ADGRB3: variants seen among roughly 807,000 people sequenced by gnomAD.
ADGRB3 encodes the protein brain-specific angiogenesis inhibitor 3.
ADGRB3 carries 37 observed loss-of-function variants against 193.4 expected under a neutral mutation model. The observed-to-expected ratio is 0.19, with a 90% CI of 0.15 to 0.25. The LOEUF (loss-of-function observed/expected upper bound fraction) is 0.25, where lower values mean the gene tolerates loss of function less well. ADGRB3 is among the 10% of genes least tolerant of loss of function. The probability of loss-of-function intolerance (pLI) is 1.00; values close to 1 mark genes in which losing one functional copy is unlikely to be tolerated. For missense variants in ADGRB3, 1,637 were observed against 1,852.9 expected, an observed-to-expected ratio of 0.88 and a Z score of 2.14; for synonymous variants, 690 against 644.2, an observed-to-expected ratio of 1.07 and a Z score of -1.08.
At chr6:69,220,813 A>G (rs971886155) in intron 17 of ADGRB3, among the ~76,000 whole-genome samples, 2 of 152,106 alleles carry the variant, frequency 1.3e-5, no homozygotes, top group African/African-American at 4.8e-5. Flanking sequence ...TAGAGTATAT[A>G]TTTATTTAAA....
intron 17 of ADGRB3, among the ~76,000 whole-genome samples, chr6:69,095,184 C>G (rs1772837405): frequency 6.6e-6 from 1 of 152,136 alleles, no homozygotes; most frequent in Non-Finnish European, 1.5e-5. Flanking sequence ...GCAGGTTATT[C>G]TAACATTTAA....
At chr6:69,056,616 C>T (rs1267577685) in intron 15 of ADGRB3, among the ~76,000 whole-genome samples, 3 of 152,240 alleles carry the variant, frequency 2.0e-5, no homozygotes, top group Admixed American at 6.5e-5. Flanking sequence ...CTTATGTTTA[C>T]ATCTTAATCC....
chr6:69,290,724 G>T (rs1582608519), intron 20 of ADGRB3, among the ~76,000 whole-genome samples: 2 of 152,028 alleles, frequency 1.3e-5, no homozygotes, highest in South Asian at 4.1e-4. Flanking sequence ...TTTTACCCTA[G>T]CTAATAAGTT....
intron 5 of ADGRB3, among the ~76,000 whole-genome samples, chr6:68,937,569 A>G (rs1767515321): frequency 6.6e-6 from 1 of 152,154 alleles, no homozygotes; most frequent in East Asian, 1.9e-4. Context: ...GGGACCTCCA[A>G]AAGGGGATGG....
chr6:68,822,903 A>G (rs1454350816), intron 3 of ADGRB3, among the ~76,000 whole-genome samples: 3 of 152,016 alleles, frequency 2.0e-5, no homozygotes, highest in Admixed American at 6.6e-5. Flanking sequence ...TTTACATCCT[A>G]CAAGCTAGAG....
chr6:69,193,000 G>A (rs1765224775), intron 17 of ADGRB3, among the ~76,000 whole-genome samples: 1 of 152,088 alleles, frequency 6.6e-6, no homozygotes, highest in African/African-American at 2.4e-5. Flanking sequence ...TCAAGTTGGT[G>A]GTCGTTCTTT....
intron 13 of ADGRB3, among the ~76,000 whole-genome samples, chr6:69,042,251 T>C (rs924948584): frequency 1.3e-5 from 2 of 152,180 alleles, no homozygotes; most frequent in African/African-American, 4.8e-5. Flanking sequence ...AATTACCCAG[T>C]GTCAGGCAGT....
intron 6 of ADGRB3, among the ~76,000 whole-genome samples, chr6:68,954,903 G>C (rs780850454): frequency 6.6e-6 from 1 of 151,924 alleles, no homozygotes; most frequent in East Asian, 1.9e-4. Context: ...GAATGGTCTC[G>C]ATCTCCTGAC....
chr6:68,932,506 T>C (rs1212268624), intron 4 of ADGRB3, among the ~76,000 whole-genome samples: 2 of 152,044 alleles, frequency 1.3e-5, no homozygotes, highest in African/African-American at 2.4e-5. Flanking sequence ...CCAAATATAG[T>C]ATAGACAAAC....
intron 3 of ADGRB3, among the ~76,000 whole-genome samples, chr6:68,930,180 G>A (rs1298776878): frequency 6.6e-6 from 1 of 151,882 alleles, no homozygotes; most frequent in African/African-American, 2.4e-5. Flanking sequence ...GGGGGTGATT[G>A]TTGTTTAGCA....
intron 3 of ADGRB3, among the ~76,000 whole-genome samples, chr6:68,920,847 A>G (rs1050198767): frequency 6.6e-6 from 1 of 152,198 alleles, no homozygotes; most frequent in Admixed American, 6.5e-5. Flanking sequence ...GTACAAATGT[A>G]ATGGTTTGGT....
intron 17 of ADGRB3, among the ~76,000 whole-genome samples, chr6:69,174,398 C>G (rs1030556753): frequency 1.3e-5 from 2 of 152,204 alleles, no homozygotes; most frequent in South Asian, 4.1e-4. Flanking sequence ...TAATGGCCTT[C>G]AGCTACATTC....
chr6:68,861,517 G>A (rs534652468), intron 3 of ADGRB3, among the ~76,000 whole-genome samples: 39 of 152,034 alleles, frequency 2.6e-4, no homozygotes, highest in African/African-American at 7.7e-4. Flanking sequence ...AGCCGAGATC[G>A]CGCCACTGCA....
chr6:68,689,414 G>T (rs777359344), intron 3 of ADGRB3, among the ~76,000 whole-genome samples: 10 of 152,162 alleles, frequency 6.6e-5, no homozygotes, highest in Non-Finnish European at 8.8e-5. Context: ...GTACAAAGCA[G>T]AGCAGAGAAT....
chr6:69,099,752 C>A (rs945939769), intron 17 of ADGRB3, among the ~76,000 whole-genome samples: 1 of 152,148 alleles, frequency 6.6e-6, no homozygotes, highest in Admixed American at 6.5e-5. Flanking sequence ...AGGTCTTCAT[C>A]ACTACAGTGT....
intron 3 of ADGRB3, among the ~76,000 whole-genome samples, chr6:68,763,883 G>A (rs1053829336): frequency 2.6e-5 from 4 of 152,084 alleles, no homozygotes; most frequent in African/African-American, 4.8e-5. Flanking sequence ...GGCCAGCCTG[G>A]GCAACATGGT....
chr6:68,810,331 A>G (rs1582219908), intron 3 of ADGRB3, among the ~76,000 whole-genome samples: 1 of 152,142 alleles, frequency 6.6e-6, no homozygotes, highest in Non-Finnish European at 1.5e-5. Flanking sequence ...ACCAACCCCA[A>G]CCCAAATGAG....
At chr6:68,806,972 C>T (rs558004743) in intron 3 of ADGRB3, among the ~76,000 whole-genome samples, 10 of 151,994 alleles carry the variant, frequency 6.6e-5, no homozygotes, top group Non-Finnish European at 1.0e-4. Context: ...GGCTTTGATA[C>T]GTATGGGCTG....
chr6:69,032,455 A>G (rs1770741631), intron 13 of ADGRB3, among the ~76,000 whole-genome samples: 1 of 152,232 alleles, frequency 6.6e-6, no homozygotes, highest in South Asian at 2.1e-4. Context: ...TGTAAATATA[A>G]AAAACAATCC....
Sources: allele counts gnomAD v4.1 joint callset (sites outside exome capture counted in the v4.1 genomes callset), GRCh38; gene constraint gnomAD v4.1.1; transcripts MANE v1.5; gene names NCBI Gene and HGNC (gene_info 2026-07-23, HGNC 2026-07-21).